The following PPP1R9A variants were observed in gnomAD, a reference collection of about 807,000 sequenced individuals.
The protein encoded by PPP1R9A is neurabin-1.
In PPP1R9A, 59 loss-of-function variants were observed where a neutral mutation model predicts 141.9. The ratio of observed to expected loss-of-function variants is 0.42; its 90% CI spans 0.34 to 0.52. The LOEUF is 0.52. Among genes scored for constraint, PPP1R9A ranks in the 20% least tolerant of loss-of-function variants. The probability of loss-of-function intolerance (pLI) is 0.10; values close to 1 mark genes in which losing one functional copy is unlikely to be tolerated. For synonymous variants in PPP1R9A, 500 were observed against 569.7 expected (o/e 0.88, Z 1.74); for missense variants, 1,444 against 1,611.9 (o/e 0.90, Z 1.78).
chr7:95,044,064 C>T (rs1382895365), intron 2 of PPP1R9A, among the ~76,000 whole-genome samples: 1 of 152,180 alleles, frequency 6.6e-6, no homozygotes, highest in Non-Finnish European at 1.5e-5. Context: ...CTTCAAAACT[C>T]AACTGAAAAA....
intron 2 of PPP1R9A, among the ~76,000 whole-genome samples, chr7:94,934,881 T>C (rs1252770561): frequency 2.6e-5 from 4 of 151,856 alleles, no homozygotes; most frequent in African/African-American, 9.7e-5. Context: ...TTTTAAGAGA[T>C]GTGTTGCCCA....
intron 14 of PPP1R9A, 114 bp downstream of exon 14, chr7:95,269,621 A>G: frequency 1.6e-5 from 12 of 767,470 alleles, no homozygotes; most frequent in Non-Finnish European, 2.1e-5. Context: ...ATTAATATTA[A>G]TTTCTTTTTA....
intron 2 of PPP1R9A, among the ~76,000 whole-genome samples, chr7:95,055,090 T>A (rs1400424200): frequency 6.6e-6 from 1 of 152,194 alleles, no homozygotes; most frequent in Non-Finnish European, 1.5e-5. Context: ...CCTTCCCTCC[T>A]TGATACTTCT....
At chr7:95,149,596 G>A (rs890709185) in intron 4 of PPP1R9A, among the ~76,000 whole-genome samples, 4 of 151,482 alleles carry the variant, frequency 2.6e-5, no homozygotes, top group African/African-American at 2.4e-5. Context: ...AAGTAGAATT[G>A]GAAATTAAAA....
At chr7:94,967,546 A>C (rs1327171502) in intron 2 of PPP1R9A, among the ~76,000 whole-genome samples, 1 of 152,072 alleles carries the variant, frequency 6.6e-6, no homozygotes. Context: ...CAAAGAACTT[A>C]TTTATTTATA....
At chr7:95,136,242 C>G (rs529868481) in intron 4 of PPP1R9A, among the ~76,000 whole-genome samples, 1 of 152,116 alleles carries the variant, frequency 6.6e-6, no homozygotes, top group Admixed American at 6.5e-5. Context: ...AAAGTCTCTG[C>G]TCCTAACACA....
chr7:95,100,402 C>T (rs1316874244), intron 2 of PPP1R9A, among the ~76,000 whole-genome samples: 2 of 152,114 alleles, frequency 1.3e-5, no homozygotes, highest in African/African-American at 2.4e-5. Flanking sequence ...GTTGGGGATA[C>T]AACAATTTAC....
chr7:95,207,192 A>T (rs1344202669), intron 7 of PPP1R9A, among the ~76,000 whole-genome samples: 2 of 152,172 alleles, frequency 1.3e-5, no homozygotes, highest in African/African-American at 4.8e-5. Context: ...ATGAGTAAAA[A>T]ACAGCAGAAA....
chr7:95,074,370 T>G (rs1814493590), intron 2 of PPP1R9A, among the ~76,000 whole-genome samples: 1 of 152,044 alleles, frequency 6.6e-6, no homozygotes, highest in Non-Finnish European at 1.5e-5. Context: ...GCAAAGACCG[T>G]CTTTATTATT....
At chr7:95,223,042 A>G (rs1240007961) in intron 7 of PPP1R9A, among the ~76,000 whole-genome samples, 2 of 152,094 alleles carry the variant, frequency 1.3e-5, no homozygotes, top group Non-Finnish European at 2.9e-5. Flanking sequence ...TCAGCAAGAG[A>G]GAGTTATAAC....
intron 5 of PPP1R9A, among the ~76,000 whole-genome samples, chr7:95,195,169 A>G (rs1392603642): frequency 6.6e-6 from 1 of 152,184 alleles, no homozygotes; most frequent in African/African-American, 2.4e-5. Flanking sequence ...ACAAGATATC[A>G]TAGACCTAAT....
chr7:94,954,907 C>G (rs13241352), intron 2 of PPP1R9A, among the ~76,000 whole-genome samples: 51,189 of 150,552 alleles, frequency 0.34, 9,703 homozygotes, highest in South Asian at 0.48. Context: ...ATATGTGTAT[C>G]TTAACAAAGT....
chr7:95,235,731 T>G (rs1796591108), intron 8 of PPP1R9A, among the ~76,000 whole-genome samples: 11 of 152,104 alleles, frequency 7.2e-5, no homozygotes, highest in Admixed American at 7.2e-4. Context: ...TTTGCAAAAA[T>G]ATGGAACCAG....
chr7:95,274,364 T>C (rs890190423), intron 16 of PPP1R9A, among the ~76,000 whole-genome samples, 196 bp downstream of exon 16: 1 of 152,206 alleles, frequency 6.6e-6, no homozygotes, highest in Non-Finnish European at 1.5e-5. Flanking sequence ...CTTGGGCATA[T>C]CCATTGGTTC....
intron 5 of PPP1R9A, among the ~76,000 whole-genome samples, chr7:95,173,387 A>G (rs1832430126): frequency 6.6e-6 from 1 of 151,968 alleles, no homozygotes; most frequent in Non-Finnish European, 1.5e-5. Context: ...ACTATGCAAT[A>G]TATCCATGTA....
At chr7:95,104,408 T>G (rs547460402) in intron 2 of PPP1R9A, among the ~76,000 whole-genome samples, 12 of 152,350 alleles carry the variant, frequency 7.9e-5, no homozygotes, top group Admixed American at 3.3e-4. Context: ...GAGATAGGCC[T>G]ATGAGTCTGT....
intron 7 of PPP1R9A, among the ~76,000 whole-genome samples, chr7:95,218,710 T>G (rs1332029791): frequency 7.1e-6 from 1 of 141,178 alleles, no homozygotes; most frequent in Non-Finnish European, 1.6e-5. Flanking sequence ...TTGATCCCTT[T>G]ACCATTATGT....
chr7:95,221,318 T>C (rs1356900383), intron 7 of PPP1R9A, among the ~76,000 whole-genome samples: 1 of 152,104 alleles, frequency 6.6e-6, no homozygotes, highest in East Asian at 1.9e-4. Context: ...AGCTTAGATA[T>C]AGACGCTAAT....
At chr7:95,286,893 T>C (rs976720250) in intron 18 of PPP1R9A, among the ~76,000 whole-genome samples, 9 of 152,160 alleles carry the variant, frequency 5.9e-5, no homozygotes, top group African/African-American at 2.2e-4. Context: ...GAAGGCACCA[T>C]AAATAAAGAT....
Sources: allele counts gnomAD v4.1 joint callset (sites outside exome capture counted in the v4.1 genomes callset), GRCh38; gene constraint gnomAD v4.1.1; transcripts MANE v1.5; gene names NCBI Gene and HGNC (gene_info 2026-07-23, HGNC 2026-07-21).